LRRC7: variants seen among roughly 807,000 people sequenced by gnomAD.
LRRC7 encodes leucine rich repeat containing 7.
A neutral mutation model predicts 175.7 loss-of-function variants in LRRC7; 23 were observed. The ratio of observed to expected loss-of-function variants is 0.13; its 90% confidence interval spans 0.09 to 0.19. The LOEUF (loss-of-function observed/expected upper bound fraction) is 0.19. LRRC7 is among the 10% of genes least tolerant of loss of function. The pLI, the probability that LRRC7 is intolerant of heterozygous loss-of-function variation, is 1.00. For missense variants in LRRC7, 1,354 were observed against 1,904.7 expected (o/e 0.71, Z 5.38); for synonymous variants, 685 against 680.9 (o/e 1.01, Z -0.09).
intron 7 of LRRC7, among the ~76,000 whole-genome samples, chr1:69,844,815 C>A (rs557787804): frequency 1.3e-5 from 2 of 152,062 alleles, no homozygotes; most frequent in South Asian, 4.1e-4. Context: ...TCCAGTATAA[C>A]AAAGGGAACA....
At chr1:69,730,018 C>T (rs529612079) in intron 2 of LRRC7, among the ~76,000 whole-genome samples, 2 of 152,216 alleles carry the variant, frequency 1.3e-5, no homozygotes, top group Non-Finnish European at 2.9e-5. Flanking sequence ...GGAGGTTGCA[C>T]TCTCTGAAGC....
At chr1:70,090,321 A>T (rs1048306392) in intron 25 of LRRC7, among the ~76,000 whole-genome samples, 1 of 152,142 alleles carries the variant, frequency 6.6e-6, no homozygotes, top group Non-Finnish European at 1.5e-5. Flanking sequence ...GAAACCACAG[A>T]AAACAAATTT....
intron 1 of LRRC7, among the ~76,000 whole-genome samples, chr1:69,595,281 G>A (rs574205955): frequency 2.2e-4 from 33 of 152,050 alleles, no homozygotes; most frequent in Non-Finnish European, 4.0e-4. Flanking sequence ...TTAGCCGGGC[G>A]TGGTGGCGGG....
rs1384437759 is a variant in LRRC7, at chr1:70,132,310, A to G, written c.*10423A>G. On this transcript the variant is annotated 3_prime_UTR_variant, in exon 27 of 27. Coordinates refer to ENST00000651989, the MANE Select transcript of LRRC7 (RefSeq NM_001370785.2). The stretch of plus-strand genomic sequence containing the variant: ...TAAGGTGCATATTAGAAATATATTT[A>G]GTTTAATTGCTATTCATTTCTAGAA... The G allele has an allele frequency of 2.0e-5, 3 of 152,188 alleles. No individual in the cohort carries two copies. Among genetic ancestry groups the G allele is most frequent in the African/African-American group, 4.8e-5 (2 of 41,434 alleles). 9.4% of individuals were successfully genotyped at this position (152,188 alleles called of 1,614,324 possible).
chr1:69,848,103 A>T (rs1159030328), intron 7 of LRRC7, among the ~76,000 whole-genome samples: 1 of 152,154 alleles, frequency 6.6e-6, no homozygotes, highest in Non-Finnish European at 1.5e-5. Flanking sequence ...CCATGAAATT[A>T]GCCATAGATT....
intron 1 of LRRC7, among the ~76,000 whole-genome samples, chr1:69,657,421 T>C (rs1656764389): frequency 6.6e-6 from 1 of 151,920 alleles, no homozygotes; most frequent in South Asian, 2.1e-4. Context: ...GAATGACATA[T>C]AAAATCATAT....
Position 69,820,465 on chromosome 1 carries a change from C to A in LRRC7, c.422-5283C>A, listed in dbSNP as rs539046214. On this transcript the variant is annotated intron_variant, in intron 4 of 26. Coordinates refer to ENST00000651989, the MANE Select transcript of LRRC7 (RefSeq NM_001370785.2). ...ACACGTGCCATGGTGGTTTGCTGCA[C>A]CCATCAACCTGTCATCTACATTAGG... 2.6e-5 allele frequency among the ~76,000 whole-genome samples: 4 copies of A among 152,170 alleles called. No individual in the cohort carries two copies. In the South Asian group the frequency reaches 6.2e-4, roughly 24 times the overall value.
chr1:69,718,868 C>G (rs1367535055), intron 2 of LRRC7, among the ~76,000 whole-genome samples: 2 of 151,904 alleles, frequency 1.3e-5, no homozygotes, highest in Admixed American at 6.6e-5. Flanking sequence ...TTGGATATTG[C>G]AATTAGTCAG....
At chr1:69,974,962 A>G (rs1345174462) in intron 8 of LRRC7, among the ~76,000 whole-genome samples, 4 of 152,318 alleles carry the variant, frequency 2.6e-5, no homozygotes, top group Middle Eastern at 3.4e-3. Flanking sequence ...ACTTCATCAA[A>G]TTATTCTCAT....
At chr1:69,692,991 C>T (rs1315808325) in intron 2 of LRRC7, among the ~76,000 whole-genome samples, 1 of 152,174 alleles carries the variant, frequency 6.6e-6, no homozygotes, top group Admixed American at 6.5e-5. Flanking sequence ...CTGGGACATC[C>T]ATCTTCTCCT....
At chr1:69,605,689 A>G (rs980075953) in intron 1 of LRRC7, among the ~76,000 whole-genome samples, 2 of 152,182 alleles carry the variant, frequency 1.3e-5, no homozygotes, top group African/African-American at 4.8e-5. Flanking sequence ...CAGTTCCTAG[A>G]AAAGGAGACA....
intron 4 of LRRC7, among the ~76,000 whole-genome samples, chr1:69,817,082 G>A (rs1325966786): frequency 1.3e-5 from 2 of 152,058 alleles, no homozygotes; most frequent in South Asian, 2.1e-4. Context: ...AGGTTTTGCT[G>A]TGCAAAAACC....
At chr1:69,910,818 G>A (rs1646501241) in intron 7 of LRRC7, among the ~76,000 whole-genome samples, 1 of 152,228 alleles carries the variant, frequency 6.6e-6, no homozygotes, top group Non-Finnish European at 1.5e-5. Flanking sequence ...TACAGAGGCA[G>A]GCAGGCCTCC....
At chr1:69,888,982 T>C (rs887372599) in intron 7 of LRRC7, among the ~76,000 whole-genome samples, 11 of 152,242 alleles carry the variant, frequency 7.2e-5, no homozygotes, top group Non-Finnish European at 4.4e-5. Context: ...AATGAAACTA[T>C]TGTTTTCCAC....
At chr1:70,024,675 A>T (rs1657893066) in intron 17 of LRRC7, among the ~76,000 whole-genome samples, 1 of 152,050 alleles carries the variant, frequency 6.6e-6, no homozygotes, top group Non-Finnish European at 1.5e-5. Context: ...GGAATAAGAG[A>T]ACATTTATAG....
At chr1:69,885,941 T>C (rs1687143590) in intron 7 of LRRC7, among the ~76,000 whole-genome samples, 1 of 102,662 alleles carries the variant, frequency 9.7e-6, no homozygotes, top group Non-Finnish European at 2.1e-5. Flanking sequence ...GTGAGTTTGT[T>C]AGTCCTGAGT....
intron 1 of LRRC7, among the ~76,000 whole-genome samples, chr1:69,576,185 TCA>T (rs1267978662): frequency 6.6e-6 from 1 of 150,560 alleles, no homozygotes; most frequent in African/African-American, 2.5e-5. Context: ...TGAGTTGAGA[TCA>T]CACTACTGTA....
intron 6 of LRRC7, among the ~76,000 whole-genome samples, chr1:69,835,199 A>C (rs1680967441): frequency 6.6e-6 from 1 of 151,994 alleles, no homozygotes; most frequent in Non-Finnish European, 1.5e-5. Flanking sequence ...GCATAGAAGC[A>C]AAGAAAAATA....
intron 22 of LRRC7, among the ~76,000 whole-genome samples, chr1:70,050,638 ATTTC>A (rs1424739682): frequency 6.6e-6 from 1 of 152,088 alleles, no homozygotes; most frequent in Admixed American, 6.6e-5. Context: ...GGAATATTAA[ATTTC>A]AACAGTGATA....
Sources: allele counts gnomAD v4.1 joint callset (sites outside exome capture counted in the v4.1 genomes callset), GRCh38; gene constraint gnomAD v4.1.1; transcripts MANE v1.5; gene names NCBI Gene and HGNC (gene_info 2026-07-23, HGNC 2026-07-21).